Variants in TAFA4 observed in about 807,000 individuals in gnomAD.
The protein encoded by TAFA4 is TAFA chemokine like family member 4.
A neutral mutation model predicts 21.1 loss-of-function variants in TAFA4; 20 were observed. The ratio of observed to expected loss-of-function variants is 0.95; its 90% CI spans 0.67 to 1.38. TAFA4 has a LOEUF of 1.38. TAFA4 is among the 40% of genes most tolerant of loss of function. The pLI is 0.00. For synonymous variants in TAFA4, 71 were observed against 67.4 expected, an observed-to-expected ratio of 1.05 and a Z score of -0.26; for missense variants, 211 against 180.9, an observed-to-expected ratio of 1.17 and a Z score of -0.95.
At chr3:68,783,534 A>C (rs1483715565) in intron 3 of TAFA4, among the ~76,000 whole-genome samples, 12 of 152,124 alleles carry the variant, frequency 7.9e-5, no homozygotes, top group Non-Finnish European at 1.0e-4. Context: ...CTTTTCTCAA[A>C]GAAAATGGAA....
rs546923169 is a variant in TAFA4 at position 68,766,906 on chromosome 3, A to G, written c.131-13888T>C. On this transcript the variant is annotated intron_variant, in intron 3 of 5. Transcript: ENST00000295569. The stretch of plus-strand genomic sequence containing the variant: ...AAAACAAATAAAACAATTTTATTAT[A>G]CTTATCAAAAGTAACACTGTATGCT... Among the ~76,000 whole-genome samples the G allele has an allele frequency of 1.2e-4, 18 of 152,328 alleles. No individual in the cohort carries two copies. In the East Asian group the frequency reaches 3.5e-3, roughly 29 times the overall value.
chr3:68,807,551 T>C (rs760159873), intron 3 of TAFA4, among the ~76,000 whole-genome samples: 2 of 150,478 alleles, frequency 1.3e-5, no homozygotes, highest in Non-Finnish European at 2.9e-5. Flanking sequence ...TCCCAAAATC[T>C]TCACTACTCT....
At chr3:68,843,492 A>G (rs1308262319) in intron 3 of TAFA4, among the ~76,000 whole-genome samples, 1 of 152,178 alleles carries the variant, frequency 6.6e-6, no homozygotes, top group Non-Finnish European at 1.5e-5. Flanking sequence ...CTTTCTCCCT[A>G]TTTGAATACC....
intron 3 of TAFA4, among the ~76,000 whole-genome samples, chr3:68,771,510 G>T (rs544686430): frequency 6.6e-6 from 1 of 152,298 alleles, no homozygotes; most frequent in East Asian, 1.9e-4. Flanking sequence ...CACTTCCTGC[G>T]AGGGGGATAA....
chr3:68,915,115 G>A (rs1045814456), intron 1 of TAFA4, among the ~76,000 whole-genome samples: 4 of 151,960 alleles, frequency 2.6e-5, no homozygotes, highest in Non-Finnish European at 5.9e-5. Flanking sequence ...TCAGTGATGC[G>A]GTCCCATGAA....
intron 5 of TAFA4, among the ~76,000 whole-genome samples, chr3:68,736,393 A>AAGAT (rs958822037): frequency 2.0e-5 from 3 of 152,162 alleles, no homozygotes; most frequent in African/African-American, 7.2e-5. Context: ...ATACCTGGAA[A>AAGAT]AGATAACTAG....
At chr3:68,750,004 G>A (rs1702531841) in intron 4 of TAFA4, among the ~76,000 whole-genome samples, 1 of 152,202 alleles carries the variant, frequency 6.6e-6, no homozygotes, top group African/African-American at 2.4e-5. Context: ...CATTTTAGTA[G>A]ACAGCACTGC....
intron 3 of TAFA4, among the ~76,000 whole-genome samples, chr3:68,872,487 G>C (rs1461748467): frequency 6.6e-6 from 1 of 151,958 alleles, no homozygotes; most frequent in Non-Finnish European, 1.5e-5. Context: ...GTGTTCAATA[G>C]TATGGTACGG....
At chr3:68,847,873 T>A (rs1205371438) in intron 3 of TAFA4, among the ~76,000 whole-genome samples, 1 of 152,202 alleles carries the variant, frequency 6.6e-6, no homozygotes, top group African/African-American at 2.4e-5. Context: ...GCTTTGAACA[T>A]GCCCTCCAAA....
intron 4 of TAFA4, among the ~76,000 whole-genome samples, chr3:68,746,695 TC>T (rs1376355078): frequency 3.9e-5 from 6 of 152,178 alleles, no homozygotes; most frequent in African/African-American, 1.4e-4. Context: ...GTTCACACAT[TC>T]TGCAAGTAAC....
At position 68,909,009 on chromosome 3, in the gene TAFA4, C is replaced by T. The variant is rs552615996; in HGVS notation, c.-123+23231G>A. ...ACTACCCACATGTAGCTACTGAGCT[C>T]CTGATATGTAACTACTGTAGCTGAG... On this transcript the variant is annotated intron_variant, in intron 1 of 5. Transcript: ENST00000295569. Among the ~76,000 whole-genome samples, 11 of 152,266 alleles carry T rather than the reference C, an allele frequency of 7.2e-5. No individual in the cohort carries two copies. The South Asian group carries it at 2.3e-3, about 32-fold the overall frequency.
At chr3:68,863,342 T>C (rs936890189) in intron 3 of TAFA4, among the ~76,000 whole-genome samples, 2 of 152,170 alleles carry the variant, frequency 1.3e-5, no homozygotes, top group African/African-American at 4.8e-5. Flanking sequence ...GCATAAATGA[T>C]ACACCATTGA....
chr3:68,859,621 A>C (rs2089304541), intron 3 of TAFA4, among the ~76,000 whole-genome samples: 1 of 152,128 alleles, frequency 6.6e-6, no homozygotes, highest in African/African-American at 2.4e-5. Flanking sequence ...TAATGGACTG[A>C]GACTTGGGAA....
chr3:68,884,950 C>A (rs1415531747), intron 2 of TAFA4, among the ~76,000 whole-genome samples: 2 of 152,208 alleles, frequency 1.3e-5, no homozygotes, highest in African/African-American at 4.8e-5. Flanking sequence ...TGTATTTCTT[C>A]ATTTTTTCCT....
intron 3 of TAFA4, among the ~76,000 whole-genome samples, chr3:68,859,571 G>A (rs751790530): frequency 6.6e-6 from 1 of 152,088 alleles, no homozygotes; most frequent in African/African-American, 2.4e-5. Flanking sequence ...ATAATATTTC[G>A]AGAATGCCAT....
intron 3 of TAFA4, among the ~76,000 whole-genome samples, chr3:68,874,056 T>C (rs1390107600): frequency 6.6e-6 from 1 of 152,138 alleles, no homozygotes; most frequent in Admixed American, 6.6e-5. Flanking sequence ...CCTCTCTGCT[T>C]CTAGGATCCC....
At chr3:68,760,713 T>G (rs1702743134) in intron 3 of TAFA4, among the ~76,000 whole-genome samples, 1 of 152,198 alleles carries the variant, frequency 6.6e-6, no homozygotes, top group African/African-American at 2.4e-5. Flanking sequence ...AGGCCACAGA[T>G]AGTGGCTTCC....
intron 3 of TAFA4, among the ~76,000 whole-genome samples, chr3:68,847,787 G>C (rs1704844121): frequency 6.6e-6 from 1 of 152,166 alleles, no homozygotes; most frequent in Non-Finnish European, 1.5e-5. Flanking sequence ...GAAACCACTT[G>C]GTCATAAAAT....
At chr3:68,794,456 AAAC>A (rs1265375446) in intron 3 of TAFA4, among the ~76,000 whole-genome samples, 1 of 152,180 alleles carries the variant, frequency 6.6e-6, no homozygotes, top group South Asian at 2.1e-4. Flanking sequence ...AAATAAATAT[AAAC>A]AACAGGGACA....
Sources: allele counts gnomAD v4.1 joint callset (sites outside exome capture counted in the v4.1 genomes callset), GRCh38; gene constraint gnomAD v4.1.1; transcripts MANE v1.5; gene names NCBI Gene and HGNC (gene_info 2026-07-23, HGNC 2026-07-21).